Variants in KATNIP observed in about 807,000 individuals in gnomAD.
KATNIP encodes the protein katanin interacting protein, also known as katanin-interacting protein.
In KATNIP, 126 loss-of-function variants were observed where a neutral mutation model predicts 174.0. The ratio of observed to expected loss-of-function variants is 0.72; its 90% CI spans 0.63 to 0.84. The LOEUF is 0.84. Ranked by LOEUF, KATNIP falls within the 40% of genes least tolerant of loss-of-function variation. The probability of loss-of-function intolerance (pLI) is 0.00; values close to 1 mark genes in which losing one functional copy is unlikely to be tolerated. For missense variants in KATNIP, 1,958 were observed against 2,109.7 expected, an observed-to-expected ratio of 0.93 and a Z score of 1.41; for synonymous variants, 810 against 835.7, an observed-to-expected ratio of 0.97 and a Z score of 0.53.
At chr16:27,569,619 A>G (rs192894963) in intron 1 of KATNIP, among the ~76,000 whole-genome samples, 6 of 152,364 alleles carry the variant, frequency 3.9e-5, no homozygotes, top group Non-Finnish European at 5.9e-5. Context: ...GAAAATGCTC[A>G]GAGAAGCTAA....
rs1422359155 is a variant in KATNIP, at chr16:27,674,217, T to A, written c.541-3512T>A. Among the ~76,000 whole-genome samples, 4 of 152,202 alleles carry A rather than the reference T, an allele frequency of 2.6e-5. No individual in the cohort carries two copies. The East Asian group carries it at 7.7e-4, about 29-fold the overall frequency. ...AGAACTCTAAAAAGAGACAGCTGTATTCGTTTCCTATTTGCTGCTGTAACA... is the reference window on the plus strand; with the variant it reads ...AGAACTCTAAAAAGAGACAGCTGTAATCGTTTCCTATTTGCTGCTGTAACA... On this transcript the variant is annotated intron_variant, in intron 6 of 27. Coordinates refer to ENST00000261588, the MANE Select transcript of KATNIP (RefSeq NM_015202.5).
At position 27,681,524 on chromosome 16, in the gene KATNIP, T is replaced by C. The variant is rs755673751; in HGVS notation, c.934T>C (p.Cys312Arg). The C allele has an allele frequency of 1.2e-6, 2 of 1,614,058 alleles. No individual in the cohort carries two copies. The highest frequency in any genetic ancestry group is 1.7e-5 in the Admixed American group (1 of 60,004). Residue 312 changes from cysteine to arginine, a missense_variant, in exon 8 of 28, where the codon TGC becomes CGC. Transcript: ENST00000261588. ...TGTATTCCCAGACCAGGAGAGGATG[T>C]GCTCCAGTAAGAGTTCCGGGGGCCC... The part of the protein sequence containing the change: ...PAVFPDQERM[C>R]SRPGSRRERP...
chr16:27,709,964 C>A (rs547226708), intron 13 of KATNIP, among the ~76,000 whole-genome samples: 1 of 152,166 alleles, frequency 6.6e-6, no homozygotes, highest in Non-Finnish European at 1.5e-5. Context: ...AAGTTCATAT[C>A]GGGCAGCCTG....
At chr16:27,584,619 T>C (rs2090822540) in intron 2 of KATNIP, among the ~76,000 whole-genome samples, 1 of 151,988 alleles carries the variant, frequency 6.6e-6, no homozygotes, top group Non-Finnish European at 1.5e-5. Context: ...GGCAAAACCC[T>C]GTCTCTACTA....
chr16:27,675,661 C>G (rs1447643356), intron 6 of KATNIP, among the ~76,000 whole-genome samples: 8 of 152,300 alleles, frequency 5.3e-5, no homozygotes, highest in Admixed American at 2.0e-4. Context: ...AATTTCCTGC[C>G]TGTAGAATTT....
At chr16:27,684,857 A>G (rs2142849727) in intron 8 of KATNIP, among the ~76,000 whole-genome samples, 1 of 152,284 alleles carries the variant, frequency 6.6e-6, no homozygotes, top group Non-Finnish European at 1.5e-5. Context: ...TAATGACTTC[A>G]TCTTAACTTG....
At chr16:27,632,336 C>A (rs1007173989) in intron 5 of KATNIP, 5 of 184,240 alleles carry the variant, frequency 2.7e-5, no homozygotes, top group East Asian at 1.6e-4. Context: ...CTTTGAAGTT[C>A]AGAGGGATAA....
chr16:27,651,569 C>G (rs2077123660), intron 6 of KATNIP, among the ~76,000 whole-genome samples: 2 of 152,220 alleles, frequency 1.3e-5, no homozygotes, highest in African/African-American at 4.8e-5. Flanking sequence ...AACACACCAG[C>G]CTCTCGCCTT....
intron 18 of KATNIP, among the ~76,000 whole-genome samples, chr16:27,760,856 G>A (rs1428395552): frequency 6.6e-6 from 1 of 152,148 alleles, no homozygotes; most frequent in Non-Finnish European, 1.5e-5. Flanking sequence ...GGTTTGACCT[G>A]GTCAAAGAAC....
Position 27,778,657 on chromosome 16 carries a change from C to A in KATNIP, c.*28C>A, listed in dbSNP as rs146507075. 1.9e-3 allele frequency: 2,992 copies of A among 1,609,430 alleles called. 52 individuals carry two copies. The African/African-American group carries it at 0.037, about 20-fold the overall frequency. On this transcript the variant is annotated 3_prime_UTR_variant, in exon 28 of 28. Transcript: ENST00000261588. ...GGTGAAGGAGGGAGAGCTGGTCCTC[C>A]CACTATGGTGGGCTCCGTCAGCAGC...
At chr16:27,722,848 G>A (rs1314018561) in intron 14 of KATNIP, among the ~76,000 whole-genome samples, 3 of 152,204 alleles carry the variant, frequency 2.0e-5, no homozygotes, top group South Asian at 4.1e-4. Flanking sequence ...TTTGACATGA[G>A]CCTTCCTTAT....
intron 14 of KATNIP, among the ~76,000 whole-genome samples, chr16:27,728,425 C>A (rs991176035): frequency 1.3e-5 from 2 of 152,152 alleles, no homozygotes; most frequent in Non-Finnish European, 2.9e-5. Flanking sequence ...GAGAATTCAG[C>A]CTTTATTTAT....
At chr16:27,704,774 A>G (rs2142996151) in intron 12 of KATNIP, among the ~76,000 whole-genome samples, 1 of 152,300 alleles carries the variant, frequency 6.6e-6, no homozygotes, top group East Asian at 1.9e-4. Flanking sequence ...GTCCAAAATG[A>G]TTGTGACAAC....
chr16:27,648,602 A>G lies in KATNIP; in HGVS notation c.409-2A>G. 1 of 1,614,054 alleles carries G rather than the reference A, an allele frequency of 6.2e-7. No individual in the cohort carries two copies. Among genetic ancestry groups the G allele is most frequent in the Non-Finnish European group, 8.5e-7 (1 of 1,179,980 alleles). ...TCTGAAATGGCCTGCATTTTTGTAC[A>G]GAAATCTGTGCAGATCAGAACAGAA... On this transcript the variant is annotated splice_acceptor_variant, in intron 5 of 27. Transcript: ENST00000261588. LOFTEE classifies it high-confidence loss of function.
chr16:27,598,057 G>T (rs575994411), intron 2 of KATNIP, among the ~76,000 whole-genome samples: 8 of 152,074 alleles, frequency 5.3e-5, no homozygotes, highest in Non-Finnish European at 1.2e-4. Context: ...ACGAAAGCCC[G>T]TCTCTACAAA....
intron 2 of KATNIP, among the ~76,000 whole-genome samples, chr16:27,599,593 T>A (rs2075448379): frequency 6.6e-6 from 1 of 152,152 alleles, no homozygotes; most frequent in South Asian, 2.1e-4. Flanking sequence ...TGTCACCAAG[T>A]CCTGTGCCTT....
rs754057231 is a variant in KATNIP, at chr16:27,740,689, C to A, written c.2392C>A (p.Pro798Thr). 6.2e-7 allele frequency: 1 copy of A among 1,614,158 alleles called. No homozygotes were observed. Among genetic ancestry groups the A allele is most frequent in the South Asian group, 1.1e-5 (1 of 91,068 alleles). The change falls in exon 15 of 28, where the codon CCT (proline) becomes ACT (threonine). Residue 798 changes from proline to threonine, a missense_variant. Pro to Thr is a conservative substitution (Grantham distance 38). Coordinates refer to ENST00000261588, the MANE Select transcript of KATNIP (RefSeq NM_015202.5). ...ATCAGACGATGTCATCGGTGAGGGT[C>A]CTGGAGAGACCGAGGCCAGGGATAA... ...LPSDDVIGEG[P>T]GETEARDKGL... is the part of the protein sequence containing the mutation.
intron 1 of KATNIP, among the ~76,000 whole-genome samples, chr16:27,550,676 G>GT (rs1211215712): frequency 6.6e-6 from 1 of 152,164 alleles, no homozygotes; most frequent in Non-Finnish European, 1.5e-5. Context: ...CAAGAACTCT[G>GT]TAAGTACTCT....
chr16:27,699,742 C>A, intron 10 of KATNIP, 143 bp downstream of exon 10: 1 of 1,060,380 alleles, frequency 9.4e-7, no homozygotes, highest in Non-Finnish European at 1.4e-6. Context: ...CACTGTCCTA[C>A]CAGGTCCTCA....
Sources: gnomAD v4.1 joint callset for allele counts (sites outside exome capture counted in the v4.1 genomes callset) on GRCh38, gnomAD v4.1.1 for gene constraint, MANE v1.5 for transcripts, NCBI Gene and HGNC (gene_info 2026-07-23, HGNC 2026-07-21) for gene names.